The following ATG2A variants were observed in gnomAD, a reference collection of about 807,000 sequenced individuals.
ATG2A encodes the protein autophagy-related protein 2 homolog A.
Under a neutral mutation model 214.2 loss-of-function variants are expected in ATG2A, and 103 were observed. That is an observed-to-expected ratio of 0.48 (90% CI 0.41 to 0.57). The LOEUF (loss-of-function observed/expected upper bound fraction) is 0.57, where lower values mean the gene tolerates loss of function less well. ATG2A is among the 20% of genes least tolerant of loss of function. ATG2A has a pLI of 0.00. For missense variants in ATG2A, 2,312 were observed against 2,613.2 expected (o/e 0.88, Z 2.51); for synonymous variants, 1,160 against 1,142.1 (o/e 1.02, Z -0.32).
In ATG2A at chr11:64,913,419, A is replaced by T. The variant is rs776859375; in HGVS notation, c.591-18T>A. ...ACTCCAGTCTGGAGAGTGTAGGGTC[A>T]GCCCGTGCCCTGGCCACCCCAGGCC... On this transcript the variant is annotated intron_variant, in intron 4 of 40. Coordinates refer to ENST00000377264, the MANE Select transcript of ATG2A (RefSeq NM_015104.3). This position sits in a 1 kb window ranked among gnomAD's most constrained non-coding sequence, Gnocchi z 4.3. 6.4e-7 allele frequency: 1 copy of T among 1,559,100 alleles called. No individual in the cohort carries two copies. Among genetic ancestry groups the T allele is most frequent in the Non-Finnish European group, 8.7e-7 (1 of 1,150,098 alleles).
chr11:64,897,817 C>A (rs763265012), intron 35 of ATG2A, 22 bp downstream of exon 35: 2 of 1,613,354 alleles, frequency 1.2e-6, no homozygotes, highest in South Asian at 1.1e-5. Context: ...CAGGGCCCCC[C>A]ACCCGCAGTC....
rs766941590 is a variant in ATG2A at position 64,895,068 on chromosome 11, T to C, written c.5722A>G (p.Thr1908Ala). 2 of 1,612,918 alleles carry C rather than the reference T, an allele frequency of 1.2e-6. No homozygotes were observed. Among genetic ancestry groups the C allele is most frequent in the Non-Finnish European group, 1.7e-6 (2 of 1,179,780 alleles). Residue 1908 changes from threonine (T) to alanine (A), a missense_variant, in exon 41 of 41, where the codon ACG (threonine) becomes GCG (alanine). Physicochemically the swap from Thr to Ala is moderately conservative, Grantham distance 58 (BLOSUM62 0). Transcript: ENST00000377264. The surrounding 1 kb of genome is among the most constrained non-coding windows in gnomAD (Gnocchi z 5.0). Reference sequence around the variant, plus strand: ...CGCATGCCCCCGAGCAGGCTGGACGTGGCCTCCGTGGCCAGGATGAGCGGC... The same window carrying C: ...CGCATGCCCCCGAGCAGGCTGGACGCGGCCTCCGTGGCCAGGATGAGCGGC... Reference protein sequence around the residue: ...VKPLILATEATSSLLGGMRNQ... With the variant: ...VKPLILATEAASSLLGGMRNQ...
chr11:64,909,197 C>T (rs749270335), intron 15 of ATG2A, 47 bp from the exon 16 acceptor site: 3 of 1,607,182 alleles, frequency 1.9e-6, no homozygotes, highest in East Asian at 4.5e-5. Flanking sequence ...CCCCGGCACC[C>T]AGTTCCAAAC....
At position 64,898,902 on chromosome 11, in the gene ATG2A, G is replaced by A. The variant is rs1469718882; in HGVS notation, c.4465-60C>T. On this transcript the variant is annotated intron_variant, in intron 31 of 40. Transcript: ENST00000377264. The surrounding 1 kb of genome is among the most constrained non-coding windows in gnomAD (Gnocchi z 4.5). ...GGGCCCCAAGAGGGAGGGAAGGGCT[G>A]GCCCCAGACCCCTTCTCTATTCTTT... The A allele has an allele frequency of 2.0e-6, 3 of 1,507,006 alleles. No homozygotes were observed. Among genetic ancestry groups the A allele is most frequent in the Admixed American group, 3.6e-5 (2 of 56,196 alleles). The allele number at this position is 1,507,006 out of a possible 1,614,324, so 93.4% of individuals were successfully genotyped here.
rs895177073 is a variant in ATG2A at position 64,909,046 on chromosome 11, C to T, written c.2309G>A (p.Arg770Gln). Residue 770 changes from arginine (R) to glutamine (Q), a missense_variant, in exon 16 of 41, where the codon CGG (arginine) becomes CAG (glutamine). Coordinates refer to ENST00000377264, the MANE Select transcript of ATG2A (RefSeq NM_015104.3). ...GGAGAAGGGCGAGGGCTCAGGTTCCCGCAGCTCACAGGGACTCTCCACTGA... is the reference window on the plus strand; with the variant it reads ...GGAGAAGGGCGAGGGCTCAGGTTCCTGCAGCTCACAGGGACTCTCCACTGA... ...ELSVESPCEL[R>Q]EPEPSPFSSK... 9.3e-6 allele frequency: 15 copies of T among 1,612,824 alleles called. No homozygotes were observed. Among genetic ancestry groups the T allele is most frequent in the East Asian group, 4.5e-5 (2 of 44,842 alleles).
Position 64,906,418 on chromosome 11 carries a change from G to C in ATG2A, c.3099C>G (p.Ala1033=), listed in dbSNP as rs1044264818. The change falls in exon 21 of 41, where the codon GCC becomes GCG. Residue 1033 remains alanine (A), a synonymous_variant. Transcript: ENST00000377264. ...CCCGGCCCTGGCCCTTGCGGCCCGA[G>C]GCTCCCCGCTCGGTCACCCCTTCCT... ...PSEEGVTERG[A]SGRKGQGRGP... is the part of the protein sequence containing the mutation. The C allele has an allele frequency of 1.9e-6, 3 of 1,613,090 alleles. No homozygotes were observed. In the African/African-American group the frequency reaches 4.0e-5, roughly 22 times the overall value.
chr11:64,911,633 T>G (rs550307769), intron 9 of ATG2A, among the ~76,000 whole-genome samples: 1 of 152,326 alleles, frequency 6.6e-6, no homozygotes, highest in East Asian at 1.9e-4. Context: ...AGAGTTCAAG[T>G]GCTTGACTAA....
chr11:64,913,120 G>C lies in ATG2A; in HGVS notation c.743C>G (p.Pro248Arg), dbSNP rs770545916. The stretch of plus-strand genomic sequence containing the variant: ...TGAGCAGCTGCCGATCTGCAAGGGG[G>C]GCTCTGGAGGCTCTTCCTGGGAGAC... ...ELPAQEEPPE[P>R]PLQIGSCSGY... Residue 248 changes from proline to arginine, a missense_variant, in exon 6 of 41, where the codon CCC (proline) becomes CGC (arginine). Pro to Arg is a moderately radical substitution (Grantham distance 103, BLOSUM62 -2). Transcript: ENST00000377264. The surrounding 1 kb of genome is among the most constrained non-coding windows in gnomAD (Gnocchi z 4.3). The C allele has an allele frequency of 3.8e-6, 6 of 1,578,182 alleles. No individual in the cohort carries two copies. The African/African-American group carries it at 8.1e-5, about 21-fold the overall frequency.
Position 64,902,311 on chromosome 11 carries a change from C to A in ATG2A, c.3853G>T (p.Asp1285Tyr). ...CTGCGCTCGGTGTCCAGGAGGGCGT[C>A]GGCCAGGTCACGCTGGTTGATGAGG... is the stretch of plus-strand genomic sequence containing the variant. Reference protein sequence around the residue: ...TALINQRDLADALLDTERSLR... With the variant: ...TALINQRDLAYALLDTERSLR... Residue 1285 changes from aspartate (D) to tyrosine (Y), a missense_variant, in exon 28 of 41, where the codon GAC becomes TAC. By Grantham distance (160) the Asp-to-Tyr change is radical. Coordinates refer to ENST00000377264, the MANE Select transcript of ATG2A (RefSeq NM_015104.3). The A allele has an allele frequency of 6.2e-7, 1 of 1,611,884 alleles. No individual in the cohort carries two copies.
rs1289187096 is a variant in ATG2A, at chr11:64,899,559, G to A, written c.4465-717C>T. Among the ~76,000 whole-genome samples, 3 of 152,116 alleles carry A rather than the reference G, an allele frequency of 2.0e-5. No individual in the cohort carries two copies. The East Asian group carries it at 5.8e-4, about 29-fold the overall frequency. On this transcript the variant is annotated intron_variant, in intron 31 of 40. Coordinates refer to ENST00000377264, the MANE Select transcript of ATG2A (RefSeq NM_015104.3). ...GCCCAGCACTGGCCTGGCTCACTCT[G>A]AGCAAGTGGGACCCCCCTGCCCCAG...
chr11:64,915,659 G>A (rs139137076), intron 1 of ATG2A, among the ~76,000 whole-genome samples: 1 of 152,254 alleles, frequency 6.6e-6, no homozygotes, highest in African/African-American at 2.4e-5. Context: ...AGGAGTAGGG[G>A]CGTTTTCTGG....
At position 64,905,792 on chromosome 11, in the gene ATG2A, C is replaced by T. The variant is rs765608911; in HGVS notation, c.3321G>A (p.Thr1107=). Residue 1107 remains threonine, a synonymous_variant, in exon 23 of 41, where the codon ACG becomes ACA. Transcript: ENST00000377264. ...GGTGTGTGTGCAGGATGGTGATGAC[C>T]GTCGGGGGCAGGTAGCCCAGCACAG... The part of the protein sequence containing the change: ...DDPVLGYLPP[T]VITILHTHLF... 1.1e-5 allele frequency: 18 copies of T among 1,613,812 alleles called. No individual in the cohort carries two copies. Among genetic ancestry groups the T allele is most frequent in the Non-Finnish European group, 1.4e-5 (17 of 1,180,008 alleles).
Position 64,910,884 on chromosome 11 carries a change from T to C in ATG2A, c.1537A>G (p.Met513Val), listed in dbSNP as rs372209567. 1.9e-6 allele frequency: 3 copies of C among 1,610,498 alleles called. No individual in the cohort carries two copies. The highest frequency in any genetic ancestry group is 2.7e-5 in the African/African-American group (2 of 74,894). The change falls in exon 11 of 41, where the codon ATG becomes GTG. Residue 513 changes from methionine to valine, a missense_variant. Physicochemically the swap from Met to Val is conservative, Grantham distance 21 (BLOSUM62 1). Coordinates refer to ENST00000377264, the MANE Select transcript of ATG2A (RefSeq NM_015104.3). The part of the protein sequence containing the change: ...TGSRGRRTTS[M>V]EVHFGQLEVL... Reference sequence around the variant, plus strand: ...TCCAGCTGCCCGAAGTGCACTTCCATGCTGGTTGTCCGCCGGCCCCGACTG... The same window carrying C: ...TCCAGCTGCCCGAAGTGCACTTCCACGCTGGTTGTCCGCCGGCCCCGACTG...
At chr11:64,897,280 C>A in intron 37 of ATG2A, 132 bp downstream of exon 37, 1 of 1,083,376 alleles carries the variant, frequency 9.2e-7, no homozygotes, top group South Asian at 1.5e-5. Flanking sequence ...CAGCCAACTG[C>A]GTCCTTTTTA....
At chr11:64,907,948 C>A in intron 16 of ATG2A, 58 bp from the exon 17 acceptor site, 1 of 1,564,118 alleles carries the variant, frequency 6.4e-7, no homozygotes, top group East Asian at 2.3e-5. Flanking sequence ...TGGCTGGGGC[C>A]TGTCTCTGGT....
rs769048803 is a variant in ATG2A at position 64,907,583 on chromosome 11, G to A, written c.2589C>T (p.Pro863=). 16 of 1,608,624 alleles carry A rather than the reference G, an allele frequency of 9.9e-6. No individual in the cohort carries two copies. Among genetic ancestry groups the A allele is most frequent in the African/African-American group, 5.3e-5 (4 of 74,808 alleles). ...PDPAAQPSGF[P]GPSGFWHDSF... ...TGTCGTGCCAGAAGCCTGAGGGGCC[G>A]GGGAAGCCCGAGGGCTGGGCGGCGG... The change falls in exon 18 of 41, where the codon CCC becomes CCT. Residue 863 remains proline, a synonymous_variant. Coordinates refer to ENST00000377264, the MANE Select transcript of ATG2A (RefSeq NM_015104.3).
Position 64,907,845 on chromosome 11 carries a change from G to A in ATG2A, c.2410C>T (p.Arg804Trp), listed in dbSNP as rs200746703. Reference sequence around the variant, plus strand: ...CTGCAGCGGGACAGTGCCAGGGTCCGGCTCTGGAACGTCCTCATCTCCTCA... The same window carrying A: ...CTGCAGCGGGACAGTGCCAGGGTCCAGCTCTGGAACGTCCTCATCTCCTCA... ...DPEEMRTFQS[R>W]TLALSRCSLE... is the part of the protein sequence containing the mutation. The change falls in exon 17 of 41, where the codon CGG (arginine) becomes TGG (tryptophan). Residue 804 changes from arginine to tryptophan, a missense_variant. Coordinates refer to ENST00000377264, the MANE Select transcript of ATG2A (RefSeq NM_015104.3). 71 of 1,613,150 alleles carry A rather than the reference G, an allele frequency of 4.4e-5. No homozygotes were observed. The highest frequency in any genetic ancestry group is 6.7e-5 in the African/African-American group (5 of 75,058).
chr11:64,913,313 G>T lies in ATG2A; in HGVS notation c.679C>A (p.Leu227Met). The change falls in exon 5 of 41, where the codon CTG becomes ATG. Residue 227 changes from leucine to methionine, a missense_variant. Physicochemically the swap from Leu to Met is conservative, Grantham distance 15. Transcript: ENST00000377264. This position sits in a 1 kb window ranked among gnomAD's most constrained non-coding sequence, Gnocchi z 4.3. ...TGCAGGCGGACCCCTGCCAGCTGCA[G>T]CAGCTTGTGCAGGAAGGCAGGCGGC... ...HQPPAFLHKLLQLAGVRLHYE... is the reference protein window; with the variant it reads ...HQPPAFLHKLMQLAGVRLHYE... The T allele has an allele frequency of 6.2e-7, 1 of 1,609,364 alleles. No individual in the cohort carries two copies. The highest frequency in any genetic ancestry group is 8.5e-7 in the Non-Finnish European group (1 of 1,178,798).
In ATG2A at chr11:64,906,436, C is replaced by T. The variant is rs1461328276; in HGVS notation, c.3081G>A (p.Gly1027=). The part of the protein sequence containing the change: ...LAPTIYPSEE[G]VTERGASGRK... The stretch of plus-strand genomic sequence containing the variant: ...GGCCCGAGGCTCCCCGCTCGGTCAC[C>T]CCTTCCTCCGATGGGTAGATGGTTG... Residue 1027 remains glycine (G), a synonymous_variant, in exon 21 of 41, where the codon GGG becomes GGA. Coordinates refer to ENST00000377264, the MANE Select transcript of ATG2A (RefSeq NM_015104.3). The T allele has an allele frequency of 1.2e-6, 2 of 1,613,138 alleles. No individual in the cohort carries two copies. The highest frequency in any genetic ancestry group is 1.7e-6 in the Non-Finnish European group (2 of 1,180,002).
Sources: gnomAD v4.1 joint callset for allele counts (sites outside exome capture counted in the v4.1 genomes callset) on GRCh38, gnomAD v4.1.1 for gene constraint, Gnocchi (gnomAD v3.1) non-coding constraint, MANE v1.5 for transcripts, NCBI Gene and HGNC (gene_info 2026-07-23, HGNC 2026-07-21) for gene names.